The following USP37 variants were observed in gnomAD, a reference collection of about 807,000 sequenced individuals.
The protein encoded by USP37 is ubiquitin carboxyl-terminal hydrolase 37.
A neutral mutation model predicts 124.0 loss-of-function variants in USP37; 27 were observed. That is an observed-to-expected ratio of 0.22 (90% CI 0.16 to 0.30). The LOEUF is 0.30. USP37 is among the 10% of genes least tolerant of loss of function. The pLI, the probability that USP37 is intolerant of heterozygous loss-of-function variation, is 1.00. For missense variants in USP37, 889 were observed against 1,140.4 expected (o/e 0.78, Z 3.17); for synonymous variants, 365 against 388.0 (o/e 0.94, Z 0.70).
At chr2:218,529,905 GA>G (rs199820859) in intron 10 of USP37, 50 bp downstream of exon 10, 388 of 1,376,864 alleles carry the variant, frequency 2.8e-4, no homozygotes, top group Non-Finnish European at 3.2e-4. Flanking sequence ...TCAATATTCT[GA>G]AAAAAAAAGA....
At chr2:218,527,760 A>T (rs1245165304) in intron 10 of USP37, among the ~76,000 whole-genome samples, 1 of 152,236 alleles carries the variant, frequency 6.6e-6, no homozygotes, top group Non-Finnish European at 1.5e-5. Context: ...CCTAAATTCA[A>T]ATAACTTAAT....
intron 10 of USP37, among the ~76,000 whole-genome samples, chr2:218,525,167 C>T (rs1183776300): frequency 6.6e-6 from 1 of 152,192 alleles, no homozygotes; most frequent in Non-Finnish European, 1.5e-5. Flanking sequence ...TTAATTCTAT[C>T]TGTCTTTGCA....
At chr2:218,477,148 A>G (rs1311400722) in intron 18 of USP37, among the ~76,000 whole-genome samples, 167 bp from the exon 19 acceptor site, 2 of 152,258 alleles carry the variant, frequency 1.3e-5, no homozygotes, top group African/African-American at 4.8e-5. Context: ...CCCCACTCCA[A>G]AAGAGCCATG....
intron 20 of USP37, among the ~76,000 whole-genome samples, chr2:218,471,017 T>C (rs1017521968): frequency 6.6e-6 from 1 of 152,176 alleles, no homozygotes; most frequent in Non-Finnish European, 1.5e-5. Flanking sequence ...GAAGACATCA[T>C]GGAGACTGAG....
chr2:218,472,236 T>G (rs833083), intron 20 of USP37, among the ~76,000 whole-genome samples: 2 of 151,696 alleles, frequency 1.3e-5, no homozygotes, highest in African/African-American at 2.4e-5. Context: ...TGGCACAGAA[T>G]CAATTCAATC....
intron 20 of USP37, among the ~76,000 whole-genome samples, chr2:218,469,814 C>CTTCATTCT (rs1690571862): frequency 1.5e-5 from 1 of 64,646 alleles, no homozygotes; most frequent in African/African-American, 6.2e-5. Context: ...ACTCAACATT[C>CTTCATTCT]TTTTTTTTTT....
chr2:218,504,186 A>G (rs538482929), intron 11 of USP37, among the ~76,000 whole-genome samples: 2 of 152,362 alleles, frequency 1.3e-5, no homozygotes, highest in Admixed American at 1.3e-4. Context: ...CTGGCCTAAT[A>G]TACAAATTTC....
chr2:218,502,659 A>G (rs1689449218), intron 11 of USP37, among the ~76,000 whole-genome samples: 1 of 152,222 alleles, frequency 6.6e-6, no homozygotes, highest in African/African-American at 2.4e-5. Context: ...GAAAATCTTG[A>G]AAAGCAGTCA....
At chr2:218,478,209 T>C (rs952749707) in intron 18 of USP37, among the ~76,000 whole-genome samples, 3 of 152,052 alleles carry the variant, frequency 2.0e-5, no homozygotes, top group African/African-American at 4.8e-5. Context: ...AGCCCAAACA[T>C]AGTGTGTGGC....
At chr2:218,456,708 G>A (rs1360851351) in intron 24 of USP37, among the ~76,000 whole-genome samples, 3 of 151,530 alleles carry the variant, frequency 2.0e-5, no homozygotes, top group African/African-American at 4.8e-5. Context: ...GGTCGCTCAC[G>A]TCTGTAATCC....
At chr2:218,536,364 C>G (rs1302857023) in intron 8 of USP37, among the ~76,000 whole-genome samples, 1 of 152,156 alleles carries the variant, frequency 6.6e-6, no homozygotes, top group Non-Finnish European at 1.5e-5. Flanking sequence ...TATATTCTCT[C>G]TTCCATATCT....
intron 5 of USP37, 100 bp from the exon 6 acceptor site, chr2:218,550,009 C>G (rs927714736): frequency 1.2e-6 from 1 of 849,500 alleles, no homozygotes; most frequent in Non-Finnish European, 1.7e-6. Flanking sequence ...AAGAAATGGA[C>G]GAAACAGCAG....
Position 218,497,863 on chromosome 2 carries a change from AAAAC to A in USP37, c.1158-10_1158-7del, listed in dbSNP as rs557900233. On this transcript the variant is annotated splice_region_variant and splice_polypyrimidine_tract_variant and intron_variant, in intron 12 of 25. Coordinates refer to ENST00000258399, the MANE Select transcript of USP37 (RefSeq NM_020935.3). The stretch of plus-strand genomic sequence containing the variant: ...CAAGCAAGTGTGCAAAGCGTCTAGT[AAAAC>A]AAAAAACACAAAGTTAGCACGTTTT... 1.5e-4 allele frequency: 236 copies of A among 1,611,230 alleles called. No individual in the cohort carries two copies. The African/African-American group carries it at 2.7e-3, about 19-fold the overall frequency.
chr2:218,553,870 G>A, intron 4 of USP37, 146 bp from the exon 5 acceptor site: 1 of 838,682 alleles, frequency 1.2e-6, no homozygotes, highest in Non-Finnish European at 1.7e-6. Context: ...ACCAAAAGAA[G>A]TTCCCATTTC....
At chr2:218,521,663 C>A (rs565267767) in intron 10 of USP37, among the ~76,000 whole-genome samples, 1 of 152,300 alleles carries the variant, frequency 6.6e-6, no homozygotes, top group African/African-American at 2.4e-5. Context: ...CTGCAAAGGA[C>A]ATGAACTCAT....
At chr2:218,519,917 C>T (rs986077656) in intron 10 of USP37, among the ~76,000 whole-genome samples, 2 of 151,846 alleles carry the variant, frequency 1.3e-5, no homozygotes, top group African/African-American at 4.8e-5. Context: ...GTCAGTTTTT[C>T]AATGCTCTGA....
chr2:218,546,943 A>C lies in USP37; in HGVS notation c.578T>G (p.Leu193Arg), dbSNP rs143618506. ...IPSLTSTSTP[L>R]RSGLLENRTE... ...CCGATTTTCTAGCAACCCTGATCTA[A>C]GAGGTGTTGAAGTAGATGTCAAAGA... is the stretch of plus-strand genomic sequence containing the variant. Residue 193 changes from leucine (L) to arginine (R), a missense_variant, in exon 7 of 26, where the codon CTT (leucine) becomes CGT (arginine). Around this residue, in one of 3 missense-constraint regions of USP37, gnomAD observed 374 missense variants for 386.0 expected, o/e 0.97. Transcript: ENST00000258399. 2 of 1,611,944 alleles carry C rather than the reference A, an allele frequency of 1.2e-6. No individual in the cohort carries two copies. The highest frequency in any genetic ancestry group is 2.7e-5 in the African/African-American group (2 of 74,898).
chr2:218,515,549 A>C (rs986808889), intron 10 of USP37, among the ~76,000 whole-genome samples: 1 of 152,248 alleles, frequency 6.6e-6, no homozygotes, highest in Non-Finnish European at 1.5e-5. Context: ...AATTAACTCA[A>C]GATGGATTAA....
rs544786048 is a variant in USP37 at position 218,512,507 on chromosome 2, C to CA, written c.864-2368dup. Among the ~76,000 whole-genome samples the CA allele has an allele frequency of 4.0e-5, 6 of 150,224 alleles. No individual in the cohort carries two copies. In the South Asian group the frequency reaches 6.3e-4, roughly 16 times the overall value. ...TGAGGGACAGAGAGAGACGCTGTCTCAAAAAAAATAAAAAAAGTTAAAAAT... is the reference window on the plus strand; with the variant it reads ...TGAGGGACAGAGAGAGACGCTGTCTCAAAAAAAAATAAAAAAAGTTAAAAAT... On this transcript the variant is annotated intron_variant, in intron 10 of 25. Coordinates refer to ENST00000258399, the MANE Select transcript of USP37 (RefSeq NM_020935.3).
Sources: allele counts gnomAD v4.1 joint callset (sites outside exome capture counted in the v4.1 genomes callset), GRCh38; gene constraint gnomAD v4.1.1; regional missense constraint gnomAD v4.1.1; transcripts MANE v1.5; gene names NCBI Gene and HGNC (gene_info 2026-07-23, HGNC 2026-07-21).